Variants in MYO15B observed in about 807,000 individuals in gnomAD.
The protein encoded by MYO15B is myosin XVB.
In MYO15B, 207 loss-of-function variants were observed where a neutral mutation model predicts 119.3. That is an observed-to-expected ratio of 1.73 (90% CI 1.55 to 1.95). The LOEUF (loss-of-function observed/expected upper bound fraction) is 1.95. Among genes scored for constraint, MYO15B ranks in the 30% most tolerant of loss-of-function variants. The pLI, the probability that MYO15B is intolerant of heterozygous loss-of-function variation, is 0.00. For synonymous variants in MYO15B, 966 were observed against 498.9 expected (o/e 1.94, Z -12.48); for missense variants, 2,264 against 1,203.1 (o/e 1.88, Z -13.04).
chr17:75,595,325 T>TGGGCAGCCTGGGCC lies in MYO15B; in HGVS notation c.3297+357_3297+370dup, dbSNP rs1342270041. 3.9e-5 allele frequency among the ~76,000 whole-genome samples: 6 copies of TGGGCAGCCTGGGCC among 152,294 alleles called. No homozygotes were observed. In the South Asian group the frequency reaches 1.0e-3, roughly 26 times the overall value. On this transcript the variant is annotated intron_variant, in intron 12 of 63. Coordinates refer to ENST00000645453, the Ensembl canonical transcript of MYO15B. Reference sequence around the variant, plus strand: ...TCTGCTCCCTTTTCTGGTCCTGGGCTGGGCAGCCTGGGCCGGGAGTGCTCC... The same window carrying TGGGCAGCCTGGGCC: ...TCTGCTCCCTTTTCTGGTCCTGGGCTGGGCAGCCTGGGCCGGGCAGCCTGGGCCGGGAGTGCTCC...
chr17:75,619,681 G>A (rs964322539), exon 46 of MYO15B: 1 of 702,904 alleles, frequency 1.4e-6, no homozygotes, highest in Admixed American at 2.0e-5. Flanking sequence ...CTTCCTGTAG[G>A]GCGAGAGTGG....
intron 21 of MYO15B, 169 bp downstream of exon 21, chr17:75,606,190 C>T (rs550899932): frequency 2.9e-5 from 15 of 517,784 alleles, no homozygotes; most frequent in Middle Eastern, 5.0e-4. Context: ...CCCCCATACC[C>T]GTGCAGCCTC....
At chr17:75,595,688 C>T (rs1319122041) in intron 12 of MYO15B, among the ~76,000 whole-genome samples, 1 of 152,186 alleles carries the variant, frequency 6.6e-6, no homozygotes, top group African/African-American at 2.4e-5. Context: ...TGTAGAGACG[C>T]AGGAGTCTCA....
At position 75,623,730 on chromosome 17, in the gene MYO15B, C is replaced by T. The variant is rs2148143849; in HGVS notation, c.8083-51C>T. 4.3e-6 allele frequency: 3 copies of T among 701,052 alleles called. No homozygotes were observed. In the South Asian group the frequency reaches 4.5e-5, roughly 10 times the overall value. The allele number at this position is 701,052 out of a possible 1,614,324, so 43.4% of individuals were successfully genotyped here. On this transcript the variant is annotated intron_variant, in intron 53 of 63. Coordinates refer to ENST00000645453, the Ensembl canonical transcript of MYO15B. The stretch of plus-strand genomic sequence containing the variant: ...AGGGTTTCTCCAGGGCTTCAGACCC[C>T]AGGCTCACCGCTGCCATCCCTCACC...
In MYO15B at chr17:75,614,942, G is replaced by A. The variant is rs1460820942; in HGVS notation, c.5560-19G>A. On this transcript the variant is annotated intron_variant, in intron 32 of 63. Coordinates refer to ENST00000645453, the Ensembl canonical transcript of MYO15B. ...TTTCTCAGGGCTCTCACTCTGACCT[G>A]TGACCATTGTCCCTTTAGGATCTGG... 2 of 702,916 alleles carry A rather than the reference G, an allele frequency of 2.8e-6. No homozygotes were observed. Among genetic ancestry groups the A allele is most frequent in the Non-Finnish European group, 5.2e-6 (2 of 385,036 alleles). 43.5% of individuals were successfully genotyped at this position (702,916 alleles called of 1,614,324 possible).
intron 12 of MYO15B, among the ~76,000 whole-genome samples, chr17:75,595,989 G>C (rs373882624): frequency 1.3e-5 from 2 of 152,222 alleles, no homozygotes; most frequent in African/African-American, 2.4e-5. Context: ...GGTGATGGTG[G>C]CCTGTGTGTG....
chr17:75,589,205 G>C lies in MYO15B; in HGVS notation c.1148G>C (p.Arg383Pro), dbSNP rs2056256258. ...GGCCTCCTGCGCTGGCTGCGGCGGC[G>C]GCTGCGGCTGCGGCGGCGGCCGCCA... Residue 383 changes from arginine (R) to proline (P), a missense_variant, in exon 1 of 64, where the codon CGG (arginine) becomes CCG (proline). Arg to Pro is a moderately radical substitution (Grantham distance 103). Transcript: ENST00000645453. This position sits in a 1 kb window ranked among gnomAD's most constrained non-coding sequence, Gnocchi z 4.2. The C allele has an allele frequency of 3.0e-6, 1 of 330,690 alleles. No homozygotes were observed. The highest frequency in any genetic ancestry group is 5.3e-5 in the Admixed American group (1 of 18,848). The allele number at this position is 330,690 out of a possible 1,614,324, so 20.5% of individuals were successfully genotyped here.
intron 40 of MYO15B, 59 bp downstream of exon 40, chr17:75,617,020 C>G (rs1355184387): frequency 1.4e-6 from 1 of 696,626 alleles, no homozygotes; most frequent in Non-Finnish European, 2.6e-6. Context: ...GAGCTCAAGG[C>G]TCTCTGGGGC....
At chr17:75,612,128 C>T (rs1246210377) in intron 25 of MYO15B, 112 bp downstream of exon 25, 10 of 645,152 alleles carry the variant, frequency 1.6e-5, no homozygotes, top group Non-Finnish European at 2.5e-5. Context: ...TCCTTCCTCC[C>T]CAGCCTTTGG....
At chr17:75,596,301 C>T in intron 12 of MYO15B, 159 bp from the exon 13 acceptor site, 1 of 605,494 alleles carries the variant, frequency 1.7e-6, no homozygotes. Flanking sequence ...CTGAGGTAGC[C>T]CGTGTGCTGT....
intron 42 of MYO15B, 31 bp downstream of exon 42, chr17:75,617,953 C>A: frequency 1.4e-6 from 1 of 699,620 alleles, no homozygotes; most frequent in Non-Finnish European, 2.6e-6. Flanking sequence ...TTGGCCTGGC[C>A]TCTTTGGGCT....
chr17:75,619,562 G>A, intron 45 of MYO15B, 86 bp downstream of exon 45: 1 of 684,308 alleles, frequency 1.5e-6, no homozygotes, highest in Non-Finnish European at 2.7e-6. Flanking sequence ...AAGCAGGAGA[G>A]CCGGGGAGCA....
At chr17:75,618,734 C>T (rs2058526959) in intron 43 of MYO15B, among the ~76,000 whole-genome samples, 1 of 152,212 alleles carries the variant, frequency 6.6e-6, no homozygotes, top group African/African-American at 2.4e-5. Flanking sequence ...ACAACACAGG[C>T]TCTAGCACAC....
chr17:75,605,891 C>T lies in MYO15B; in HGVS notation c.4162C>T (p.Arg1388Trp), dbSNP rs570220500. The T allele has an allele frequency of 4.6e-4, 322 of 699,980 alleles. 2 individuals carry two copies. The Middle Eastern group carries it at 5.2e-3, about 11-fold the overall frequency. 43.4% of individuals were successfully genotyped at this position (699,980 alleles called of 1,614,324 possible). The change falls in exon 21 of 64, where the codon CGG (arginine) becomes TGG (tryptophan). Residue 1388 changes from arginine to tryptophan, a missense_variant. Arg to Trp is a moderately radical substitution (Grantham distance 101). Transcript: ENST00000645453. ...CCTGCTGCAGGAGCAGGGCTGGCAGCGGCTGGAGGAGCTCCGGGACCAGCA... is the reference window on the plus strand; with the variant it reads ...CCTGCTGCAGGAGCAGGGCTGGCAGTGGCTGGAGGAGCTCCGGGACCAGCA...
intron 21 of MYO15B, 37 bp downstream of exon 21, chr17:75,606,058 G>T: frequency 1.5e-6 from 1 of 652,016 alleles, no homozygotes; most frequent in South Asian, 1.6e-5. Context: ...AAGTGGGTGG[G>T]GTGAGGCCGT....
chr17:75,599,279 A>G (rs982451948), intron 14 of MYO15B, among the ~76,000 whole-genome samples: 6 of 140,830 alleles, frequency 4.3e-5, no homozygotes, highest in Non-Finnish European at 7.8e-5. Context: ...TTTGAAAGTG[A>G]TTTTTTTTTT....
rs1302835669 is a variant in MYO15B, at chr17:75,626,437, C to CTGAT, written c.9245_9248dup (p.Ser3085ArgfsTer8). Reference sequence around the variant, plus strand: ...GGAGCTGCTATACACCACTGTCTTCCTGATAGACAGCAGTGCCTCTTGCAC... The same window carrying CTGAT: ...GGAGCTGCTATACACCACTGTCTTCCTGATTGATAGACAGCAGTGCCTCTTGCAC... On this transcript the variant is annotated frameshift_variant, in exon 64 of 64. Coordinates refer to ENST00000645453, the Ensembl canonical transcript of MYO15B. LOFTEE classifies it low-confidence loss of function (END_TRUNC). 18 of 703,184 alleles carry CTGAT rather than the reference C, an allele frequency of 2.6e-5. No individual in the cohort carries two copies. Among genetic ancestry groups the CTGAT allele is most frequent in the Non-Finnish European group, 4.4e-5 (17 of 385,076 alleles). The allele number at this position is 703,184 out of a possible 1,614,324, so 43.6% of individuals were successfully genotyped here. A position where few individuals can be genotyped will look rare whatever the true frequency, so the allele number is the denominator to read the frequency against.
chr17:75,591,143 A>G (rs749121485), intron 3 of MYO15B, 29 bp from the exon 4 acceptor site: 19 of 702,766 alleles, frequency 2.7e-5, no homozygotes, highest in Middle Eastern at 4.6e-4. Context: ...CCAGGTCCCC[A>G]TGTCTGGCAA....
exon 49 of MYO15B, chr17:75,620,498 C>G (rs759892276): frequency 7.1e-6 from 5 of 702,628 alleles, no homozygotes; most frequent in Non-Finnish European, 1.3e-5. Flanking sequence ...GGGGCCGTTC[C>G]GGACTCTTTC....
Sources: allele counts gnomAD v4.1 joint callset (sites outside exome capture counted in the v4.1 genomes callset), GRCh38; gene constraint gnomAD v4.1.1; non-coding constraint Gnocchi (gnomAD v3.1); transcripts MANE v1.5; gene names NCBI Gene and HGNC (gene_info 2026-07-23, HGNC 2026-07-21).